Variants in ARHGAP33 observed in about 807,000 individuals in gnomAD.
The protein encoded by ARHGAP33 is rho GTPase-activating protein 33.
Under a neutral mutation model 126.2 loss-of-function variants are expected in ARHGAP33, and 57 were observed. The observed-to-expected ratio is 0.45, with a 90% CI of 0.36 to 0.56. The LOEUF (loss-of-function observed/expected upper bound fraction) is 0.56. Among genes scored for constraint, ARHGAP33 ranks in the 20% least tolerant of loss-of-function variants. ARHGAP33 has a pLI of 0.00. For synonymous variants in ARHGAP33, 711 were observed against 755.0 expected (o/e 0.94, Z 0.95); for missense variants, 1,500 against 1,748.3 (o/e 0.86, Z 2.53).
rs372223573 is a variant in ARHGAP33, at chr19:35,778,555, G to A, written c.362G>A (p.Cys121Tyr). Residue 121 changes from cysteine (C) to tyrosine (Y), a missense_variant, in exon 5 of 21, where the codon TGC becomes TAC. Cys to Tyr is a radical substitution (Grantham distance 194). Around this residue, in one of 6 missense-constraint regions of ARHGAP33, gnomAD observed 75 missense variants for 152.7 expected, o/e 0.49. Coordinates refer to ENST00000007510, the MANE Select transcript of ARHGAP33 (RefSeq NM_001366178.1). ...TGCATATTTGACCGGAGGTTCTCCT[G>A]CCTTCCGGAGCTTCCCCCGCCCCCC... ...HRCIFDRRFS[C>Y]LPELPPPPEG... 5 of 1,614,024 alleles carry A rather than the reference G, an allele frequency of 3.1e-6. No individual in the cohort carries two copies. The African/African-American group carries it at 6.7e-5, about 22-fold the overall frequency.
chr19:35,777,641 A>C lies in ARHGAP33; in HGVS notation c.7-4A>C. The C allele has an allele frequency of 6.4e-7, 1 of 1,564,422 alleles. No homozygotes were observed. Among genetic ancestry groups the C allele is most frequent in the Non-Finnish European group, 8.7e-7 (1 of 1,153,376 alleles). ...GGGGGCCTCTGATTCTTTCTGCTCTACAGGCACGCAGCACTGACAGCCTGG... is the reference window on the plus strand; with the variant it reads ...GGGGGCCTCTGATTCTTTCTGCTCTCCAGGCACGCAGCACTGACAGCCTGG... On this transcript the variant is annotated splice_region_variant and splice_polypyrimidine_tract_variant and intron_variant, in intron 1 of 20. Transcript: ENST00000007510.
Position 35,786,911 on chromosome 19 carries a change from G to C in ARHGAP33, c.2441G>C (p.Gly814Ala). The change falls in exon 20 of 21, where the codon GGG (glycine) becomes GCG (alanine). Residue 814 changes from glycine to alanine, a missense_variant. Around this residue, in one of 6 missense-constraint regions of ARHGAP33, gnomAD observed 642 missense variants for 634.0 expected, o/e 1.01. Transcript: ENST00000007510. This position sits in a 1 kb window ranked among gnomAD's most constrained non-coding sequence, Gnocchi z 7.0. ...PPAVLELLGA[G>A]GAPASATPTP... Reference sequence around the variant, plus strand: ...GCTGTCCTAGAACTGCTGGGGGCTGGGGGAGCACCTGCCTCAGCCACCCCA... The same window carrying C: ...GCTGTCCTAGAACTGCTGGGGGCTGCGGGAGCACCTGCCTCAGCCACCCCA... The C allele has an allele frequency of 1.2e-6, 2 of 1,610,004 alleles. No homozygotes were observed. The highest frequency in any genetic ancestry group is 1.7e-6 in the Non-Finnish European group (2 of 1,179,418).
intron 6 of ARHGAP33, among the ~76,000 whole-genome samples, chr19:35,779,482 G>A (rs927104303): frequency 6.6e-6 from 1 of 152,136 alleles, no homozygotes; most frequent in African/African-American, 2.4e-5. Context: ...CCAGGCTGGA[G>A]TGCAGTGGCA....
In ARHGAP33 at chr19:35,788,122, C is replaced by T. The variant is rs1410174666; in HGVS notation, c.3557C>T (p.Ser1186Phe). 6.2e-7 allele frequency: 1 copy of T among 1,611,650 alleles called. No homozygotes were observed. The highest frequency in any genetic ancestry group is 2.2e-5 in the East Asian group (1 of 44,806). Residue 1186 changes from serine (S) to phenylalanine (F), a missense_variant, in exon 21 of 21, where the codon TCC (serine) becomes TTC (phenylalanine). Physicochemically the swap from Ser to Phe is radical, Grantham distance 155. Transcript: ENST00000007510. ...PRGPSPASSS[S>F]SSPPAHPRSR... ...GGTCCCTCACCTGCCTCTTCCTCCTCCTCTTCCCCTCCTGCCCACCCCCGA... is the reference window on the plus strand; with the variant it reads ...GGTCCCTCACCTGCCTCTTCCTCCTTCTCTTCCCCTCCTGCCCACCCCCGA...
rs1568423307 is a variant in ARHGAP33, at chr19:35,779,011, ACTC to A, written c.409-20_409-18del. 1 of 1,547,666 alleles carries A rather than the reference ACTC, an allele frequency of 6.5e-7. No individual in the cohort carries two copies. The highest frequency in any genetic ancestry group is 8.7e-7 in the Non-Finnish European group (1 of 1,145,088). ...CTCTCACGTCCACTCACAGAGGCCC[ACTC>A]TGACAACCTGCCCCCAGATGCTGGT... On this transcript the variant is annotated intron_variant, in intron 5 of 20. Transcript: ENST00000007510.
rs528605312 is a variant in ARHGAP33 at position 35,784,728 on chromosome 19, G to T, written c.1568-225G>T. 6.5e-4 allele frequency: 878 copies of T among 1,346,848 alleles called. 3 individuals carry two copies. In the African/African-American group the frequency reaches 0.012, roughly 19 times the overall value. The allele number at this position is 1,346,848 out of a possible 1,614,324, so 83.4% of individuals were successfully genotyped here. A position where few individuals can be genotyped will look rare whatever the true frequency, so the allele number is the denominator to read the frequency against. ...CGAGGTAACTGAAGCCAGAGCCGCTGCCCTCGCTGGCTGCCGGGAGCTGCC... is the reference window on the plus strand; with the variant it reads ...CGAGGTAACTGAAGCCAGAGCCGCTTCCCTCGCTGGCTGCCGGGAGCTGCC... On this transcript the variant is annotated intron_variant, in intron 16 of 20. Transcript: ENST00000007510.
At position 35,782,800 on chromosome 19, in the gene ARHGAP33, C is replaced by T. The variant is rs747572913; in HGVS notation, c.1352C>T (p.Ala451Val). The change falls in exon 15 of 21, where the codon GCG (alanine) becomes GTG (valine). Residue 451 changes from alanine to valine, a missense_variant. Physicochemically the swap from Ala to Val is moderately conservative, Grantham distance 64. Transcript: ENST00000007510. The surrounding 1 kb of genome is among the most constrained non-coding windows in gnomAD (Gnocchi z 4.1). Reference sequence around the variant, plus strand: ...CTGCTGAGGCACCTGGCCCGCATGGCGAGACACAGTGCCAACACCAGCATG... The same window carrying T: ...CTGCTGAGGCACCTGGCCCGCATGGTGAGACACAGTGCCAACACCAGCATG... ...EYLLRHLARM[A>V]RHSANTSMHA... The T allele has an allele frequency of 9.9e-6, 16 of 1,613,668 alleles. No individual in the cohort carries two copies. Among genetic ancestry groups the T allele is most frequent in the East Asian group, 6.7e-5 (3 of 44,882 alleles).
Position 35,782,589 on chromosome 19 carries a change from C to A in ARHGAP33, c.1231-8C>A. 1 of 1,613,818 alleles carries A rather than the reference C, an allele frequency of 6.2e-7. No individual in the cohort carries two copies. Among genetic ancestry groups the A allele is most frequent in the African/African-American group, 1.3e-5 (1 of 75,050 alleles). On this transcript the variant is annotated splice_polypyrimidine_tract_variant and splice_region_variant and intron_variant, in intron 13 of 20. Transcript: ENST00000007510. This position sits in a 1 kb window ranked among gnomAD's most constrained non-coding sequence, Gnocchi z 4.1. ...CCCAGACCTCATCACACCTGCCCAC[C>A]ATCTCAGGAGGCCATGTCAGTGCCT...
In ARHGAP33 at chr19:35,782,303, A is replaced by C; in HGVS notation, c.1086-70A>C. The C allele has an allele frequency of 6.5e-7, 1 of 1,547,870 alleles. No individual in the cohort carries two copies. Among genetic ancestry groups the C allele is most frequent in the Non-Finnish European group, 8.8e-7 (1 of 1,137,598 alleles). On this transcript the variant is annotated intron_variant, in intron 12 of 20. Transcript: ENST00000007510. This position sits in a 1 kb window ranked among gnomAD's most constrained non-coding sequence, Gnocchi z 4.1. ...CTGCGGGCACTTGGGGGTAGGGGCAAGGGGAGCATGGCCACGTGAGCGAGC... is the reference window on the plus strand; with the variant it reads ...CTGCGGGCACTTGGGGGTAGGGGCACGGGGAGCATGGCCACGTGAGCGAGC...
chr19:35,782,308 A>G lies in ARHGAP33; in HGVS notation c.1086-65A>G. 1 of 1,553,660 alleles carries G rather than the reference A, an allele frequency of 6.4e-7. No individual in the cohort carries two copies. The highest frequency in any genetic ancestry group is 1.2e-5 in the South Asian group (1 of 83,068). On this transcript the variant is annotated intron_variant, in intron 12 of 20. Transcript: ENST00000007510. The surrounding 1 kb of genome is among the most constrained non-coding windows in gnomAD (Gnocchi z 4.1). ...GGCACTTGGGGGTAGGGGCAAGGGG[A>G]GCATGGCCACGTGAGCGAGCCCCTC... is the stretch of plus-strand genomic sequence containing the variant.
rs200774189 is a variant in ARHGAP33, at chr19:35,788,297, G to T, written c.3732G>T (p.Arg1244Ser). ...GGGCAGCCCCGCCAGCCTACGGAAGGGGGGGCGAGCTCCACCGAGGGTCCT... is the reference window on the plus strand; with the variant it reads ...GGGCAGCCCCGCCAGCCTACGGAAGTGGGGGCGAGCTCCACCGAGGGTCCT... ...LYRAAPPAYG[R>S]GGELHRGSLY... Residue 1244 changes from arginine (R) to serine (S), a missense_variant, in exon 21 of 21, where the codon AGG becomes AGT. By Grantham distance (110) the Arg-to-Ser change is moderately radical. This residue lies in a region of ARHGAP33 where 642 missense variants were observed against 634.0 expected (regional missense o/e 1.01). Transcript: ENST00000007510. 695 of 1,608,092 alleles carry T rather than the reference G, an allele frequency of 4.3e-4. 2 individuals carry two copies. The highest frequency in any genetic ancestry group is 5.5e-4 in the Non-Finnish European group (649 of 1,178,376).
intron 15 of ARHGAP33, 77 bp from the exon 16 acceptor site, chr19:35,784,095 G>A (rs1971956464): frequency 7.7e-7 from 1 of 1,294,392 alleles, no homozygotes. Flanking sequence ...TGCCTCCCCT[G>A]GCTCCCCTCA....
chr19:35,777,758 G>A lies in ARHGAP33; in HGVS notation c.104+16G>A. 1 of 1,613,538 alleles carries A rather than the reference G, an allele frequency of 6.2e-7. No individual in the cohort carries two copies. The highest frequency in any genetic ancestry group is 8.5e-7 in the Non-Finnish European group (1 of 1,179,626). ...CTGGGAAGAGGTGAGGGTGAGGGAG[G>A]AAAGGGCTCAGCTAGGAGCTGGGGA... On this transcript the variant is annotated intron_variant, in intron 2 of 20. Coordinates refer to ENST00000007510, the MANE Select transcript of ARHGAP33 (RefSeq NM_001366178.1).
chr19:35,786,022 G>GGGTGCTGCTC lies in ARHGAP33; in HGVS notation c.1943-390_1943-381dup. 8.9e-7 allele frequency: 1 copy of GGGTGCTGCTC among 1,122,616 alleles called. No individual in the cohort carries two copies. The highest frequency in any genetic ancestry group is 1.1e-6 in the Non-Finnish European group (1 of 916,594). The allele number at this position is 1,122,616 out of a possible 1,614,324, so 69.5% of individuals were successfully genotyped here. ...CTACCTCACAGCCCGCCGCGCTGCT[G>GGGTGCTGCTC]GGTGCTGCTCTCCGACCTCTGCGGG... On this transcript the variant is annotated intron_variant, in intron 19 of 20. Coordinates refer to ENST00000007510, the MANE Select transcript of ARHGAP33 (RefSeq NM_001366178.1). This position sits in a 1 kb window ranked among gnomAD's most constrained non-coding sequence, Gnocchi z 7.0.
At chr19:35,778,389 T>C (rs1435499583) in intron 4 of ARHGAP33, 29 bp downstream of exon 4, 2 of 1,614,060 alleles carry the variant, frequency 1.2e-6, no homozygotes, top group Non-Finnish European at 1.7e-6. Context: ...TCATCTAGCC[T>C]GAGAGAATGG....
At chr19:35,779,232 T>A in intron 6 of ARHGAP33, 108 bp downstream of exon 6, 1 of 818,432 alleles carries the variant, frequency 1.2e-6, no homozygotes, top group Non-Finnish European at 1.9e-6. Context: ...GGAGCCAGAG[T>A]GGAGGAGGCG....
rs1972248949 is a variant in ARHGAP33 at position 35,788,566 on chromosome 19, GGTCC to G, written c.*138_*141del. ...AACTTTGTAACTTGCTTCTGATGTG[GGTCC>G]CTAACCTATAATCTCAGCTTCCCTA... On this transcript the variant is annotated 3_prime_UTR_variant, in exon 21 of 21. Coordinates refer to ENST00000007510, the MANE Select transcript of ARHGAP33 (RefSeq NM_001366178.1). 2 of 758,864 alleles carry G rather than the reference GGTCC, an allele frequency of 2.6e-6. No homozygotes were observed. The highest frequency in any genetic ancestry group is 3.4e-5 in the Admixed American group (1 of 29,240). 47.0% of individuals were successfully genotyped at this position (758,864 alleles called of 1,614,324 possible).
chr19:35,777,153 A>C (rs554232719), intron 1 of ARHGAP33, among the ~76,000 whole-genome samples: 1 of 152,300 alleles, frequency 6.6e-6, no homozygotes, highest in East Asian at 1.9e-4. Flanking sequence ...CAGACCAGAG[A>C]ATTCAGACTT....
At chr19:35,781,402 G>C (rs1312946249) in intron 12 of ARHGAP33, 150 bp downstream of exon 12, 1 of 770,298 alleles carries the variant, frequency 1.3e-6, no homozygotes, top group African/African-American at 1.7e-5. Flanking sequence ...TGAGAGTAGA[G>C]TTAGCAGTCT....
Sources: gnomAD v4.1 joint callset for allele counts (sites outside exome capture counted in the v4.1 genomes callset) on GRCh38, gnomAD v4.1.1 for gene constraint, gnomAD v4.1.1 regional missense constraint, Gnocchi (gnomAD v3.1) non-coding constraint, MANE v1.5 for transcripts, NCBI Gene and HGNC (gene_info 2026-07-23, HGNC 2026-07-21) for gene names.